The following KIAA1549L variants were observed in gnomAD, a reference collection of about 807,000 sequenced individuals.
KIAA1549L encodes KIAA1549 like, also known as UPF0606 protein KIAA1549L.
In KIAA1549L, 88 loss-of-function variants were observed where a neutral mutation model predicts 160.7. The observed-to-expected ratio is 0.55, with a 90% CI of 0.46 to 0.65. KIAA1549L has a LOEUF of 0.65. KIAA1549L is among the 30% of genes least tolerant of loss of function. The pLI is 0.00. For missense variants in KIAA1549L, 2,258 were observed against 2,437.5 expected, an observed-to-expected ratio of 0.93 and a Z score of 1.55; for synonymous variants, 950 against 976.7, an observed-to-expected ratio of 0.97 and a Z score of 0.51.
intron 1 of KIAA1549L, among the ~76,000 whole-genome samples, chr11:33,485,221 A>C (rs1220648227): frequency 6.6e-6 from 1 of 152,208 alleles, no homozygotes; most frequent in African/African-American, 2.4e-5. Flanking sequence ...CATCTTGTCA[A>C]CTTGCCCCTT....
chr11:33,569,683 G>A (rs773178611), intron 9 of KIAA1549L, among the ~76,000 whole-genome samples: 26 of 152,292 alleles, frequency 1.7e-4, no homozygotes, highest in African/African-American at 4.1e-4. Flanking sequence ...GAATTTGGCC[G>A]TTTGTCCTAT....
chr11:33,388,393 C>T (rs1005545679), intron 1 of KIAA1549L, among the ~76,000 whole-genome samples: 1 of 152,146 alleles, frequency 6.6e-6, no homozygotes, highest in African/African-American at 2.4e-5. Flanking sequence ...GTCCCTTCCA[C>T]AATGCATGGG....
At chr11:33,441,921 T>G (rs1459932598) in intron 1 of KIAA1549L, among the ~76,000 whole-genome samples, 2 of 152,230 alleles carry the variant, frequency 1.3e-5, no homozygotes, top group Non-Finnish European at 1.5e-5. Flanking sequence ...GCTCTTTAAT[T>G]TAATTAGATC....
At position 33,509,856 on chromosome 11, in the gene KIAA1549L, G is replaced by A. The variant is rs145259708; in HGVS notation, c.239-31946G>A. Among the ~76,000 whole-genome samples the A allele has an allele frequency of 4.8e-3, 731 of 152,090 alleles. 8 individuals are homozygous for A. The highest frequency in any genetic ancestry group is 0.016 in the African/African-American group (674 of 41,412). The stretch of plus-strand genomic sequence containing the variant: ...CTCATCATCCCCAGAAACTGAAGGC[G>A]AGTTGAAATGACTCCTGCACCACAG... On this transcript the variant is annotated intron_variant, in intron 1 of 20. Coordinates refer to ENST00000658780, the MANE Select transcript of KIAA1549L (RefSeq NM_012194.3).
intron 1 of KIAA1549L, among the ~76,000 whole-genome samples, chr11:33,498,570 G>T (rs1852872904): frequency 6.6e-6 from 1 of 152,150 alleles, no homozygotes; most frequent in Admixed American, 6.5e-5. Flanking sequence ...GGGTAGTTTG[G>T]CTTCTTACAT....
rs1248136732 is a variant in KIAA1549L at position 33,670,871 on chromosome 11, G to T, written c.*2717G>T. ...GGAAGCAGAAGTACCACGAAGTGGA[G>T]TGACTGGCCCAGTGATTCAGTCCCA... On this transcript the variant is annotated 3_prime_UTR_variant, in exon 21 of 21. Transcript: ENST00000658780. The T allele has an allele frequency of 1.3e-5, 2 of 152,304 alleles. No individual in the cohort carries two copies. The highest frequency in any genetic ancestry group is 2.9e-5 in the Non-Finnish European group (2 of 68,080). 9.4% of individuals were successfully genotyped at this position (152,304 alleles called of 1,614,324 possible).
At chr11:33,521,020 C>T (rs1369154073) in intron 1 of KIAA1549L, among the ~76,000 whole-genome samples, 1 of 151,834 alleles carries the variant, frequency 6.6e-6, no homozygotes, top group Non-Finnish European at 1.5e-5. Flanking sequence ...GTACAAAATT[C>T]ACTGGGCATG....
intron 8 of KIAA1549L, among the ~76,000 whole-genome samples, chr11:33,566,360 C>T (rs148264008): frequency 1.6e-4 from 25 of 152,302 alleles, no homozygotes; most frequent in African/African-American, 4.8e-4. Flanking sequence ...GTCTTTGAAC[C>T]GGCAAGTACA....
chr11:33,658,925 C>A (rs537856162), intron 19 of KIAA1549L, 27 bp downstream of exon 19: 3 of 1,522,186 alleles, frequency 2.0e-6, no homozygotes, highest in Non-Finnish European at 2.7e-6. Context: ...CCCGAGTGTG[C>A]CCCCCACCAC....
intron 1 of KIAA1549L, among the ~76,000 whole-genome samples, chr11:33,503,087 T>G (rs1168028052): frequency 6.6e-6 from 1 of 152,236 alleles, no homozygotes; most frequent in Non-Finnish European, 1.5e-5. Context: ...AGAACATTAC[T>G]AGCTCACCTG....
intron 1 of KIAA1549L, among the ~76,000 whole-genome samples, chr11:33,399,616 T>A (rs1850456983): frequency 6.6e-6 from 1 of 152,142 alleles, no homozygotes; most frequent in African/African-American, 2.4e-5. Context: ...TGGTTCTGAA[T>A]CCCCCAGCTC....
chr11:33,561,230 G>A (rs1312640404), intron 7 of KIAA1549L, among the ~76,000 whole-genome samples: 1 of 152,206 alleles, frequency 6.6e-6, no homozygotes, highest in Non-Finnish European at 1.5e-5. Context: ...GCAAAGACAG[G>A]TTCCTGCTGT....
intron 1 of KIAA1549L, among the ~76,000 whole-genome samples, chr11:33,467,192 A>C (rs1393974145): frequency 2.0e-5 from 3 of 151,962 alleles, no homozygotes; most frequent in Non-Finnish European, 4.4e-5. Context: ...TGACATGTAA[A>C]GATGTATAAG....
intron 1 of KIAA1549L, among the ~76,000 whole-genome samples, chr11:33,525,058 T>C (rs756610710): frequency 2.0e-5 from 3 of 152,114 alleles, no homozygotes; most frequent in Admixed American, 2.0e-4. Flanking sequence ...AAATGGCAGA[T>C]AGGAGACAGG....
chr11:33,422,523 C>T (rs1320430347), intron 1 of KIAA1549L, among the ~76,000 whole-genome samples: 4 of 118,152 alleles, frequency 3.4e-5, no homozygotes, highest in African/African-American at 1.3e-4. Flanking sequence ...CCCTCCCCTC[C>T]CTTCCCCCTT....
intron 1 of KIAA1549L, among the ~76,000 whole-genome samples, chr11:33,413,256 A>G (rs1850818894): frequency 6.9e-6 from 1 of 145,132 alleles, no homozygotes; most frequent in South Asian, 2.2e-4. Flanking sequence ...TTGAACACAG[A>G]TTTTTTTTTT....
At chr11:33,486,825 TAGA>T (rs1852538976) in intron 1 of KIAA1549L, among the ~76,000 whole-genome samples, 1 of 152,218 alleles carries the variant, frequency 6.6e-6, no homozygotes, top group Non-Finnish European at 1.5e-5. Flanking sequence ...AGGTATGTCA[TAGA>T]AGCCCCACTG....
chr11:33,537,618 C>T (rs1853921639), intron 1 of KIAA1549L, among the ~76,000 whole-genome samples: 1 of 152,182 alleles, frequency 6.6e-6, no homozygotes, highest in Non-Finnish European at 1.5e-5. Context: ...GTTCTAATCT[C>T]TCTCTTTATA....
At chr11:33,464,530 C>CT (rs575709145) in intron 1 of KIAA1549L, among the ~76,000 whole-genome samples, 1 of 150,904 alleles carries the variant, frequency 6.6e-6, no homozygotes, top group South Asian at 2.2e-4. Flanking sequence ...GCATGCCCCC[C>CT]CCCACACACG....
Sources: allele counts gnomAD v4.1 joint callset (sites outside exome capture counted in the v4.1 genomes callset), GRCh38; gene constraint gnomAD v4.1.1; transcripts MANE v1.5; gene names NCBI Gene and HGNC (gene_info 2026-07-23, HGNC 2026-07-21).